Variants in ATM observed in about 807,000 individuals in gnomAD.
ATM encodes serine-protein kinase ATM.
In ATM, 308 loss-of-function variants were observed where a neutral mutation model predicts 387.0. The observed-to-expected ratio is 0.80, with a 90% CI of 0.73 to 0.87. ATM has a LOEUF of 0.87. Ranked by LOEUF, ATM falls within the 40% of genes least tolerant of loss-of-function variation. The probability of loss-of-function intolerance (pLI) is 0.00; values close to 1 mark genes in which losing one functional copy is unlikely to be tolerated. For synonymous variants in ATM, 1,156 were observed against 1,187.3 expected, an observed-to-expected ratio of 0.97 and a Z score of 0.54; for missense variants, 3,312 against 3,560.9, an observed-to-expected ratio of 0.93 and a Z score of 1.78.
intron 22 of ATM, among the ~76,000 whole-genome samples, chr11:108,273,070 G>A (rs1215779457): frequency 2.6e-5 from 4 of 152,252 alleles, no homozygotes; most frequent in Admixed American, 1.3e-4. Context: ...GACTTAGTGA[G>A]GTAAAGTAAC....
At position 108,330,440 on chromosome 11, in the gene ATM, A is replaced by T. The variant is rs879254202; in HGVS notation, c.7515+19A>T. 1 of 1,612,458 alleles carries T rather than the reference A, an allele frequency of 6.2e-7. No individual in the cohort carries two copies. Among genetic ancestry groups the T allele is most frequent in the South Asian group, 1.1e-5 (1 of 90,990 alleles). On this transcript the variant is annotated intron_variant, in intron 50 of 62. Coordinates refer to ENST00000675843, the MANE Select transcript of ATM (RefSeq NM_000051.4). ...GATGAAGGCAAGTGTTACTCAGCCC[A>T]ATATTCTACCCTGTGCTTGAAAAAC...
In ATM at chr11:108,321,432, G is replaced by A. The variant is rs3218677; in HGVS notation, c.6572+12G>A. 2.2e-5 allele frequency: 35 copies of A among 1,613,894 alleles called. No individual in the cohort carries two copies. The highest frequency in any genetic ancestry group is 1.7e-4 in the Middle Eastern group (1 of 6,060). On this transcript the variant is annotated intron_variant, in intron 45 of 62. Coordinates refer to ENST00000675843, the MANE Select transcript of ATM (RefSeq NM_000051.4). Reference sequence around the variant, plus strand: ...GAGCTTTTCTCAAGGTATGTAATTCGTATGACTTTGTTATCCTAAAGTGCA... The same window carrying A: ...GAGCTTTTCTCAAGGTATGTAATTCATATGACTTTGTTATCCTAAAGTGCA...
At chr11:108,349,611 T>C (rs1413065910) in intron 59 of ATM, among the ~76,000 whole-genome samples, 6 of 151,902 alleles carry the variant, frequency 3.9e-5, no homozygotes, top group African/African-American at 1.5e-4. Flanking sequence ...TGCAGTGAGC[T>C]AAGATCATGC....
At position 108,332,886 on chromosome 11, in the gene ATM, G is replaced by A. The variant is rs377349459; in HGVS notation, c.7913G>A (p.Trp2638Ter). 7.4e-6 allele frequency: 12 copies of A among 1,612,586 alleles called. No individual in the cohort carries two copies. The African/African-American group carries it at 1.3e-4, about 18-fold the overall frequency. ...TTAGCAAACTTAGATGCCACTCAGT[G>A]GAAGACTCAGAGAAGTATGTTTTTT... ...IILANLDATQ[W>*]KTQRKGINIP... Residue 2638 changes from tryptophan (W) to a stop codon, truncating the protein, a stop_gained, in exon 53 of 63, where the codon TGG becomes TAG. Coordinates refer to ENST00000675843, the MANE Select transcript of ATM (RefSeq NM_000051.4). LOFTEE classifies it high-confidence loss of function.
chr11:108,225,888 A>C (rs2078713324), intron 1 of ATM: 1 of 152,140 alleles, frequency 6.6e-6, no homozygotes, highest in Admixed American at 6.5e-5. Flanking sequence ...CCCAATTTTG[A>C]GATTCTGTGA....
intron 4 of ATM, chr11:108,231,048 AT>A (rs2078986556): frequency 6.6e-6 from 1 of 152,142 alleles, no homozygotes; most frequent in Admixed American, 6.5e-5. Flanking sequence ...GAGTGAAGCA[AT>A]TCTTGCTTAT....
At chr11:108,246,292 T>C (rs2079845653) in intron 7 of ATM, among the ~76,000 whole-genome samples, 1 of 152,180 alleles carries the variant, frequency 6.6e-6, no homozygotes, top group Non-Finnish European at 1.5e-5. Flanking sequence ...AAGATCAGGC[T>C]TATTAGGAGG....
At chr11:108,281,824 T>TAG (rs2082249208) in intron 24 of ATM, among the ~76,000 whole-genome samples, 1 of 152,196 alleles carries the variant, frequency 6.6e-6, no homozygotes, top group South Asian at 2.1e-4. Context: ...TATAATCAGT[T>TAG]AGCCTTTTAC....
intron 61 of ATM, among the ~76,000 whole-genome samples, chr11:108,362,406 C>G (rs2137731095): frequency 6.6e-6 from 1 of 151,962 alleles, no homozygotes; most frequent in South Asian, 2.1e-4. Flanking sequence ...CCTCAGGGAT[C>G]TAGAATTAGA....
At chr11:108,241,738 CTTTCTTTTTTTTTTTTTT>C (rs1301197311) in intron 5 of ATM, among the ~76,000 whole-genome samples, 13 of 82,096 alleles carry the variant, frequency 1.6e-4, no homozygotes, top group Admixed American at 6.5e-4. Context: ...GTCTTTCTTT[CTTTCTTTTTTTTTTTTTT>C]TTTTTTTTTT....
rs541705492 is a variant in ATM, at chr11:108,342,080, GA to G, written c.8269-1141del. ...TTTGTAAACTTTCTTAACATTATGA[GA>G]TTTTTTTTGCAGTTTTTTTTTCTTT... On this transcript the variant is annotated intron_variant, in intron 56 of 62. Coordinates refer to ENST00000675843, the MANE Select transcript of ATM (RefSeq NM_000051.4). Among the ~76,000 whole-genome samples, 267 of 151,994 alleles carry G rather than the reference GA, an allele frequency of 1.8e-3. 10 individuals carry two copies. In the South Asian group the frequency reaches 0.031, roughly 17 times the overall value.
chr11:108,272,030 G>A (rs2081611724), intron 20 of ATM, among the ~76,000 whole-genome samples: 1 of 152,096 alleles, frequency 6.6e-6, no homozygotes, highest in Non-Finnish European at 1.5e-5. Flanking sequence ...CCACCACAAT[G>A]CCTGGCTAAT....
chr11:108,285,292 C>G (rs1459627570), intron 26 of ATM, among the ~76,000 whole-genome samples: 1 of 148,234 alleles, frequency 6.7e-6, no homozygotes, highest in African/African-American at 2.5e-5. Flanking sequence ...TTATTATTTA[C>G]CAGTCTTCTC....
chr11:108,325,389 A>C lies in ATM; in HGVS notation c.6652A>C (p.Ser2218Arg), dbSNP rs749261367. Residue 2218 changes from serine to arginine, a missense_variant, in exon 46 of 63, where the codon AGT becomes CGT. This residue lies in a region of ATM where 1,405 missense variants were observed against 1,604.4 expected (regional missense o/e 0.88). Transcript: ENST00000675843. Reference protein sequence around the residue: ...HSQLLKDSDFSFQEPIMALRT... With the variant: ...HSQLLKDSDFRFQEPIMALRT... ...CCAGCTTCTCAAGGACAGTGATTTT[A>C]GTTTTCAGGAGCCTATCATGGCTCT... is the stretch of plus-strand genomic sequence containing the variant. The C allele has an allele frequency of 6.2e-6, 10 of 1,613,374 alleles. No individual in the cohort carries two copies. The highest frequency in any genetic ancestry group is 4.4e-5 in the South Asian group (4 of 91,054).
intron 56 of ATM, chr11:108,340,279 A>C (rs2087382570): frequency 6.6e-6 from 1 of 152,186 alleles, no homozygotes; most frequent in Non-Finnish European, 1.5e-5. Flanking sequence ...ATTTTGTTCC[A>C]TTTCTCTTTC....
chr11:108,310,637 T>C (rs939885391), intron 39 of ATM, among the ~76,000 whole-genome samples: 2 of 152,114 alleles, frequency 1.3e-5, no homozygotes, highest in African/African-American at 2.4e-5. Flanking sequence ...GTGATAAATA[T>C]TTTTCAAATG....
chr11:108,318,223 G>A (rs1445666109), intron 43 of ATM, among the ~76,000 whole-genome samples: 1 of 151,984 alleles, frequency 6.6e-6, no homozygotes, highest in Admixed American at 6.6e-5. Flanking sequence ...TTAGCCAGGC[G>A]TGGCAGCATG....
chr11:108,252,742 A>G, intron 11 of ATM, 75 bp from the exon 12 acceptor site: 2 of 1,006,386 alleles, frequency 2.0e-6, no homozygotes, highest in Non-Finnish European at 3.1e-6. Flanking sequence ...ATAGCTAAAC[A>G]TGGATGTTAA....
intron 49 of ATM, among the ~76,000 whole-genome samples, chr11:108,329,608 G>T (rs2136435409): frequency 6.6e-6 from 1 of 152,092 alleles, no homozygotes; most frequent in East Asian, 1.9e-4. Flanking sequence ...ATGGGGTTTT[G>T]CCATGTTGCC....
Sources: allele counts gnomAD v4.1 joint callset (sites outside exome capture counted in the v4.1 genomes callset), GRCh38; gene constraint gnomAD v4.1.1; regional missense constraint gnomAD v4.1.1; transcripts MANE v1.5; gene names NCBI Gene and HGNC (gene_info 2026-07-23, HGNC 2026-07-21).